The following RCC1 variants were observed in gnomAD, a reference collection of about 807,000 sequenced individuals.
RCC1 encodes regulator of chromosome condensation.
RCC1 carries 11 observed loss-of-function variants against 44.4 expected under a neutral mutation model. The ratio of observed to expected loss-of-function variants is 0.25; its 90% CI spans 0.16 to 0.41. The LOEUF is 0.41. Among genes scored for constraint, RCC1 ranks in the 10% least tolerant of loss-of-function variants. The pLI is 1.00. For missense variants in RCC1, 386 were observed against 547.1 expected, an observed-to-expected ratio of 0.71 and a Z score of 2.94; for synonymous variants, 213 against 216.5, an observed-to-expected ratio of 0.98 and a Z score of 0.14.
chr1:28,530,594 C>A, intron 5 of RCC1: 1 of 1,605,036 alleles, frequency 6.2e-7, no homozygotes, highest in Non-Finnish European at 8.5e-7. Context: ...GCCGAGCCCT[C>A]CTGACCAGAA....
chr1:28,509,042 T>TGGCTGCAACCTC (rs1257762831), intron 3 of RCC1, 137 bp downstream of exon 3: 1 of 375,692 alleles, frequency 2.7e-6, no homozygotes, highest in African/African-American at 2.1e-5. Context: ...GGCGCAATCT[T>TGGCTGCAACCTC]GGCTGCAACC....
intron 3 of RCC1, among the ~76,000 whole-genome samples, chr1:28,515,546 GTC>G (rs1458788911): frequency 2.7e-5 from 4 of 150,798 alleles, no homozygotes; most frequent in African/African-American, 7.3e-5. Flanking sequence ...GTGAAACCCT[GTC>G]TCTATTAAAA....
intron 4 of RCC1, among the ~76,000 whole-genome samples, chr1:28,524,207 A>T (rs1663494071): frequency 6.6e-6 from 1 of 152,316 alleles, no homozygotes; most frequent in South Asian, 2.1e-4. Flanking sequence ...CTTCAGATTG[A>T]ATGAAAACAC....
At chr1:28,528,821 T>A (rs1351669698) in intron 4 of RCC1, among the ~76,000 whole-genome samples, 48 of 138,998 alleles carry the variant, frequency 3.5e-4, no homozygotes, top group Admixed American at 5.7e-4. Flanking sequence ...AAAAAAAAAA[T>A]GGATGATAGG....
At position 28,532,155 on chromosome 1, in the gene RCC1, G is replaced by A. The variant is rs1664219017; in HGVS notation, c.262-16G>A. On this transcript the variant is annotated splice_polypyrimidine_tract_variant and intron_variant, in intron 6 of 12. Transcript: ENST00000683442. Reference sequence around the variant, plus strand: ...CGAGGCCAGACGTTGCATTAATGAGGGCATCCTGGGCACAGGTCTATTCCT... The same window carrying A: ...CGAGGCCAGACGTTGCATTAATGAGAGCATCCTGGGCACAGGTCTATTCCT... 2 of 1,608,476 alleles carry A rather than the reference G, an allele frequency of 1.2e-6. No individual in the cohort carries two copies. Among genetic ancestry groups the A allele is most frequent in the South Asian group, 1.1e-5 (1 of 90,668 alleles).
chr1:28,534,948 C>A, intron 7 of RCC1, 102 bp from the exon 8 acceptor site: 2 of 855,178 alleles, frequency 2.3e-6, no homozygotes, highest in Non-Finnish European at 2.0e-6. Flanking sequence ...GGCCTGGCTC[C>A]TGCCCACTTC....
intron 4 of RCC1, among the ~76,000 whole-genome samples, chr1:28,521,558 G>A (rs1047958684): frequency 6.0e-5 from 9 of 151,100 alleles, no homozygotes; most frequent in African/African-American, 2.2e-4. Flanking sequence ...CTTCCCTGGC[G>A]ATTGCCAGCC....
At chr1:28,518,888 CA>C (rs1353962290) in intron 4 of RCC1, 1 of 152,198 alleles carries the variant, frequency 6.6e-6, no homozygotes, top group Non-Finnish European at 1.5e-5. Context: ...GGCTGGGGGA[CA>C]GTAGTGAGAA....
chr1:28,512,818 TTTGG>T (rs1662644749), intron 3 of RCC1, among the ~76,000 whole-genome samples: 1 of 152,168 alleles, frequency 6.6e-6, no homozygotes, highest in Non-Finnish European at 1.5e-5. Flanking sequence ...TTTCTTTTTT[TTTGG>T]AGACTGCGTC....
At position 28,536,141 on chromosome 1, in the gene RCC1, T is replaced by C. The variant is rs1339961299; in HGVS notation, c.817+115T>C. ...GTCGTCTAACCCCTCCAAGCCAGTT[T>C]TGTCATCTGTAAAGTGAGAATGTCC... On this transcript the variant is annotated intron_variant, in intron 10 of 12. Transcript: ENST00000683442. This position sits in a 1 kb window ranked among gnomAD's most constrained non-coding sequence, Gnocchi z 4.9. The C allele has an allele frequency of 1.2e-5, 18 of 1,539,300 alleles. No individual in the cohort carries two copies. Among genetic ancestry groups the C allele is most frequent in the African/African-American group, 1.4e-5 (1 of 72,778 alleles).
intron 4 of RCC1, 102 bp downstream of exon 4, chr1:28,516,969 A>C (rs1662932465): frequency 9.5e-6 from 4 of 422,974 alleles, no homozygotes; most frequent in Non-Finnish European, 1.4e-5. Context: ...AAAAATACGA[A>C]AATTAGCCAG....
chr1:28,509,264 TTGG>T (rs1334112293), intron 3 of RCC1: 4 of 215,846 alleles, frequency 1.9e-5, no homozygotes, highest in African/African-American at 7.1e-5. Flanking sequence ...GCACACTGTG[TTGG>T]TGGTTATATT....
chr1:28,513,606 T>A (rs888946721), intron 3 of RCC1, among the ~76,000 whole-genome samples: 13 of 151,836 alleles, frequency 8.6e-5, no homozygotes, highest in African/African-American at 2.9e-4. Context: ...TAAGACAGGG[T>A]CTCACTCTGT....
At chr1:28,537,718 C>T in intron 12 of RCC1, 114 bp from the exon 13 acceptor site, 1 of 1,071,976 alleles carries the variant, frequency 9.3e-7, no homozygotes, top group Non-Finnish European at 1.3e-6. Context: ...TGGTACCTTG[C>T]CAAGCTGCTA....
At position 28,535,955 on chromosome 1, in the gene RCC1, C is replaced by G; in HGVS notation, c.746C>G (p.Ala249Gly). The G allele has an allele frequency of 6.2e-7, 1 of 1,614,098 alleles. No individual in the cohort carries two copies. The highest frequency in any genetic ancestry group is 2.2e-5 in the East Asian group (1 of 44,882). The change falls in exon 10 of 13, where the codon GCC becomes GGC. Residue 249 changes from alanine to glycine, a missense_variant. By Grantham distance (60) the Ala-to-Gly change is moderately conservative (BLOSUM62 0). Transcript: ENST00000683442. ...AGATTCCAGGATGCCTTTTGTGGTG[C>G]CTATTTCACCTTTGCCATCTCCCAT... is the stretch of plus-strand genomic sequence containing the variant. ...HVRFQDAFCG[A>G]YFTFAISHEG... is the part of the protein sequence containing the mutation.
chr1:28,535,036 T>C lies in RCC1; in HGVS notation c.442-14T>C, dbSNP rs1485520291. ...GCAGGACTGGCTGATAAGTGCCCTG[T>C]CCCTCCCTTCTAGGACAATAACGGT... On this transcript the variant is annotated splice_polypyrimidine_tract_variant and intron_variant, in intron 7 of 12. Coordinates refer to ENST00000683442, the MANE Select transcript of RCC1 (RefSeq NM_001381865.2). The C allele has an allele frequency of 6.2e-7, 1 of 1,609,590 alleles. No homozygotes were observed. Among genetic ancestry groups the C allele is most frequent in the Non-Finnish European group, 8.5e-7 (1 of 1,175,984 alleles).
chr1:28,535,106 G>A lies in RCC1; in HGVS notation c.498G>A (p.Val166=). 1 of 1,614,202 alleles carries A rather than the reference G, an allele frequency of 6.2e-7. No individual in the cohort carries two copies. The highest frequency in any genetic ancestry group is 1.1e-5 in the South Asian group (1 of 91,088). ...CCATGAAGAAGAGCATGGTGCCTGT[G>A]CAGGTGCAGCTGGATGTGCCTGTGG... ...LEPMKKSMVP[V]QVQLDVPVVK... The change falls in exon 8 of 13, where the codon GTG becomes GTA. Residue 166 remains valine (V), a synonymous_variant. Transcript: ENST00000683442.
intron 4 of RCC1, among the ~76,000 whole-genome samples, chr1:28,527,417 T>A (rs1663742168): frequency 6.6e-6 from 1 of 152,124 alleles, no homozygotes; most frequent in Admixed American, 6.5e-5. Flanking sequence ...TTTTTGTAAT[T>A]TTTTGGATAG....
intron 1 of RCC1, chr1:28,507,296 T>C: frequency 2.0e-6 from 1 of 500,848 alleles, no homozygotes; most frequent in Admixed American, 2.0e-5. Flanking sequence ...TTGTTTAAGA[T>C]CTGTAGTAAC....
Sources: allele counts gnomAD v4.1 joint callset (sites outside exome capture counted in the v4.1 genomes callset), GRCh38; gene constraint gnomAD v4.1.1; non-coding constraint Gnocchi (gnomAD v3.1); transcripts MANE v1.5; gene names NCBI Gene and HGNC (gene_info 2026-07-23, HGNC 2026-07-21).